MALRD1: variants seen among roughly 807,000 people sequenced by gnomAD.
MALRD1 encodes MAM and LDL receptor class A domain containing 1.
Under a neutral mutation model 242.1 loss-of-function variants are expected in MALRD1, and 247 were observed. That is an observed-to-expected ratio of 1.02 (90% CI 0.92 to 1.13). MALRD1 has a LOEUF of 1.13. Ranked by LOEUF, MALRD1 falls within the 50% of genes most tolerant of loss-of-function variation. The probability of loss-of-function intolerance (pLI) is 0.00; values close to 1 mark genes in which losing one functional copy is unlikely to be tolerated. For synonymous variants in MALRD1, 995 were observed against 866.6 expected (o/e 1.15, Z -2.60); for missense variants, 2,989 against 2,533.1 (o/e 1.18, Z -3.86).
intron 36 of MALRD1, among the ~76,000 whole-genome samples, chr10:19,658,053 C>T (rs1209755528): frequency 2.0e-5 from 3 of 151,924 alleles, no homozygotes; most frequent in South Asian, 2.1e-4. Flanking sequence ...GAGGTTGAGG[C>T]AGGAGAATCT....
rs138578142 is a variant in MALRD1, at chr10:19,304,405, C to G, written c.3420-19544C>G. On this transcript the variant is annotated intron_variant, in intron 21 of 39. Transcript: ENST00000454679. ...GTCATCATCATCATCTATCTATATCCTATTGTTACTGTTTCTCTGGAGATT... is the reference window on the plus strand; with the variant it reads ...GTCATCATCATCATCTATCTATATCGTATTGTTACTGTTTCTCTGGAGATT... 1.8e-4 allele frequency among the ~76,000 whole-genome samples: 27 copies of G among 151,598 alleles called. No homozygotes were observed. The East Asian group carries it at 5.3e-3, about 30-fold the overall frequency.
chr10:19,614,657 C>T (rs1564486367), intron 35 of MALRD1, among the ~76,000 whole-genome samples: 1 of 152,106 alleles, frequency 6.6e-6, no homozygotes, highest in East Asian at 1.9e-4. Context: ...TAACCACTCT[C>T]ACGGTAGTTA....
intron 18 of MALRD1, among the ~76,000 whole-genome samples, chr10:19,230,127 C>T (rs1414463460): frequency 1.3e-5 from 2 of 152,128 alleles, no homozygotes; most frequent in Non-Finnish European, 2.9e-5. Flanking sequence ...TCGCCTTCTG[C>T]TATAATTGTG....
At chr10:19,139,370 A>G (rs1480462972) in intron 10 of MALRD1, among the ~76,000 whole-genome samples, 1 of 152,224 alleles carries the variant, frequency 6.6e-6, no homozygotes, top group African/African-American at 2.4e-5. Flanking sequence ...TGAATTTGTA[A>G]TATCAAGTTT....
intron 36 of MALRD1, among the ~76,000 whole-genome samples, chr10:19,631,539 C>T (rs1346550302): frequency 6.6e-6 from 1 of 152,016 alleles, no homozygotes; most frequent in Non-Finnish European, 1.5e-5. Context: ...CCAATGGTAG[C>T]TCTGTTTTAG....
intron 36 of MALRD1, among the ~76,000 whole-genome samples, chr10:19,682,227 GT>G (rs1441546346): frequency 6.6e-6 from 1 of 152,096 alleles, no homozygotes; most frequent in Non-Finnish European, 1.5e-5. Flanking sequence ...TTCCTCATTT[GT>G]TTTCTCTGAC....
intron 31 of MALRD1, among the ~76,000 whole-genome samples, chr10:19,518,403 C>A (rs13377162): frequency 0.039 from 5,915 of 152,188 alleles, 224 homozygotes; most frequent in African/African-American, 0.1. Context: ...TAGAGAAAAA[C>A]CAATGACATT....
chr10:19,064,175 A>T (rs905830028), intron 1 of MALRD1, among the ~76,000 whole-genome samples: 2 of 152,178 alleles, frequency 1.3e-5, no homozygotes, highest in African/African-American at 2.4e-5. Context: ...GATACGTTGC[A>T]CAAGTTCAAA....
intron 36 of MALRD1, among the ~76,000 whole-genome samples, chr10:19,678,713 C>G (rs1842239499): frequency 2.0e-5 from 3 of 152,156 alleles, no homozygotes; most frequent in Admixed American, 2.0e-4. Context: ...AAGAGGACAT[C>G]CTTGTCTTAT....
intron 18 of MALRD1, among the ~76,000 whole-genome samples, chr10:19,229,269 G>A (rs1293650268): frequency 6.6e-6 from 1 of 152,044 alleles, no homozygotes; most frequent in African/African-American, 2.4e-5. Context: ...AATATTTCTA[G>A]AGGAAAATTA....
rs376874358 is a variant in MALRD1 at position 19,175,463 on chromosome 10, A to AATATATATATATATATATATAT, written c.1951+155_1951+156insATATATATATATATATATATAT. 185 of 202,772 alleles carry AATATATATATATATATATATAT rather than the reference A, an allele frequency of 9.1e-4. 2 individuals are homozygous for AATATATATATATATATATATAT. Among genetic ancestry groups the AATATATATATATATATATATAT allele is most frequent in the Admixed American group, 2.2e-3 (32 of 14,548 alleles). 12.6% of individuals were successfully genotyped at this position (202,772 alleles called of 1,614,324 possible). ...TATATCACCTGTTCTTGAAACCTAA[A>AATATATATATATATATATATAT]ATATATATATATATATATATTTTAA... On this transcript the variant is annotated intron_variant, in intron 14 of 39. Transcript: ENST00000454679.
At chr10:19,240,743 A>G (rs1838728338) in intron 18 of MALRD1, among the ~76,000 whole-genome samples, 2 of 152,018 alleles carry the variant, frequency 1.3e-5, no homozygotes, top group South Asian at 4.1e-4. Context: ...ACACTCCTAT[A>G]CCTACTTTCT....
At chr10:19,154,971 TTTAA>T (rs1347478019) in intron 11 of MALRD1, 100 bp from the exon 12 acceptor site, 3 of 551,634 alleles carry the variant, frequency 5.4e-6, no homozygotes, top group African/African-American at 3.9e-5. Flanking sequence ...TGTACTTTTC[TTTAA>T]TTGATAGTTT....
intron 14 of MALRD1, among the ~76,000 whole-genome samples, chr10:19,191,805 A>T (rs74461349): frequency 6.6e-6 from 1 of 151,978 alleles, no homozygotes; most frequent in African/African-American, 2.4e-5. Context: ...TGAGACCAGC[A>T]TGGCCAACAT....
intron 18 of MALRD1, among the ~76,000 whole-genome samples, chr10:19,239,692 G>C (rs944518831): frequency 6.6e-6 from 1 of 151,812 alleles, no homozygotes; most frequent in Admixed American, 6.6e-5. Flanking sequence ...AAAAGATAGG[G>C]GTCTAATTTC....
intron 38 of MALRD1, among the ~76,000 whole-genome samples, chr10:19,713,908 A>G (rs1834258127): frequency 6.6e-6 from 1 of 152,356 alleles, no homozygotes; most frequent in South Asian, 2.1e-4. Context: ...TTGCTCTTGC[A>G]GAGCATGCAA....
chr10:19,538,791 GA>G (rs781370987), intron 32 of MALRD1, among the ~76,000 whole-genome samples: 2,609 of 146,472 alleles, frequency 0.018, 35 homozygotes, highest in East Asian at 0.046. Context: ...AATTGCTCAT[GA>G]AAAAAAAAAG....
At chr10:19,487,981 A>C (rs9663367) in intron 29 of MALRD1, among the ~76,000 whole-genome samples, 43,818 of 152,006 alleles carry the variant, frequency 0.29, 6,477 homozygotes, top group East Asian at 0.41. Context: ...TATTTGTGGA[A>C]GTACTGCCTA....
At chr10:19,179,560 G>A (rs1835409449) in intron 14 of MALRD1, among the ~76,000 whole-genome samples, 1 of 152,138 alleles carries the variant, frequency 6.6e-6, no homozygotes, top group Non-Finnish European at 1.5e-5. Context: ...GCAGGTTGCA[G>A]TGAGCTGAGA....
Sources: gnomAD v4.1 joint callset for allele counts (sites outside exome capture counted in the v4.1 genomes callset) on GRCh38, gnomAD v4.1.1 for gene constraint, MANE v1.5 for transcripts, NCBI Gene and HGNC (gene_info 2026-07-23, HGNC 2026-07-21) for gene names.